MMP27: variants seen among roughly 807,000 people sequenced by gnomAD.
The protein encoded by MMP27 is matrix metallopeptidase 27, also known as matrix metalloproteinase-27.
MMP27 carries 51 observed loss-of-function variants against 48.1 expected under a neutral mutation model. That is an observed-to-expected ratio of 1.06 (90% CI 0.85 to 1.34). MMP27 has a LOEUF of 1.34. MMP27 is among the 40% of genes most tolerant of loss of function. The probability of loss-of-function intolerance (pLI) is 0.00; values close to 1 mark genes in which losing one functional copy is unlikely to be tolerated. For missense variants in MMP27, 698 were observed against 619.3 expected (o/e 1.13, Z -1.35); for synonymous variants, 229 against 208.9 (o/e 1.10, Z -0.83).
intron 8 of MMP27, 95 bp from the exon 9 acceptor site, chr11:102,693,136 G>T: frequency 1.2e-6 from 1 of 820,170 alleles, no homozygotes; most frequent in East Asian, 2.5e-5. Flanking sequence ...GGGATGTGGG[G>T]AATACATAGG....
At chr11:102,696,894 T>A in intron 4 of MMP27, 59 bp from the exon 5 acceptor site, 1 of 1,548,348 alleles carries the variant, frequency 6.5e-7, no homozygotes, top group Admixed American at 2.0e-5. Flanking sequence ...AATGGCTGCA[T>A]CTGAGATTAG....
intron 6 of MMP27, 107 bp from the exon 7 acceptor site, chr11:102,695,204 A>G (rs1248619959): frequency 1.7e-6 from 2 of 1,178,314 alleles, no homozygotes; most frequent in Non-Finnish European, 2.4e-6. Context: ...TCTTCCTCAA[A>G]TAATTGAGAT....
chr11:102,694,561 G>C (rs1048705234), intron 7 of MMP27, among the ~76,000 whole-genome samples: 1 of 151,942 alleles, frequency 6.6e-6, no homozygotes, highest in Non-Finnish European at 1.5e-5. Context: ...CTAACTTTTG[G>C]TATAAATAAA....
At chr11:102,697,218 G>T (rs1860848345) in intron 4 of MMP27, among the ~76,000 whole-genome samples, 1 of 152,128 alleles carries the variant, frequency 6.6e-6, no homozygotes, top group African/African-American at 2.4e-5. Flanking sequence ...TTAGCGCAAT[G>T]GTAAGCATTT....
intron 9 of MMP27, 125 bp from the exon 10 acceptor site, chr11:102,692,135 A>G (rs1227187645): frequency 1.1e-6 from 1 of 879,170 alleles, no homozygotes; most frequent in East Asian, 2.8e-5. Flanking sequence ...AATCACATAC[A>G]TACATTTTAG....
At chr11:102,696,099 G>T (rs2134265117) in intron 6 of MMP27, among the ~76,000 whole-genome samples, 1 of 152,224 alleles carries the variant, frequency 6.6e-6, no homozygotes, top group African/African-American at 2.4e-5. Context: ...TGGGATTGGT[G>T]GACTCTTCTG....
intron 2 of MMP27, among the ~76,000 whole-genome samples, chr11:102,703,580 TG>T (rs1288053451): frequency 1.6e-4 from 25 of 152,118 alleles, no homozygotes; most frequent in Admixed American, 1.6e-3. Context: ...TGGAGTGCAG[TG>T]GCGCGACCTC....
At chr11:102,704,487 A>G in intron 2 of MMP27, 50 bp downstream of exon 2, 1 of 1,366,872 alleles carries the variant, frequency 7.3e-7, no homozygotes, top group South Asian at 1.2e-5. Context: ...CTTGGAAATT[A>G]TCTTTATGTT....
At position 102,694,067 on chromosome 11, in the gene MMP27, T is replaced by C. The variant is rs142599331; in HGVS notation, c.1034-2A>G. 6.4e-6 allele frequency: 10 copies of C among 1,564,354 alleles called. No individual in the cohort carries two copies. The highest frequency in any genetic ancestry group is 8.6e-6 in the Non-Finnish European group (10 of 1,158,982). On this transcript the variant is annotated splice_acceptor_variant, in intron 7 of 9. Coordinates refer to ENST00000260229, the MANE Select transcript of MMP27 (RefSeq NM_022122.3). LOFTEE classifies it high-confidence loss of function. ...CTCTGATCATCCAGAAGTTTTCATC[T>C]AGGAAGAGAGGAGTGATTATTTATT... is the stretch of plus-strand genomic sequence containing the variant.
At position 102,691,721 on chromosome 11, in the gene MMP27, A is replaced by T. The variant is rs775239064; in HGVS notation, c.*45T>A. The T allele has an allele frequency of 6.9e-7, 1 of 1,456,056 alleles. No homozygotes were observed. The highest frequency in any genetic ancestry group is 1.4e-5 in the South Asian group (1 of 69,758). 90.2% of individuals were successfully genotyped at this position (1,456,056 alleles called of 1,614,324 possible). On this transcript the variant is annotated 3_prime_UTR_variant, in exon 10 of 10. Coordinates refer to ENST00000260229, the MANE Select transcript of MMP27 (RefSeq NM_022122.3). ...TGGTTTTATTCTATTTTGAAGCAGA[A>T]TTTATATTAAAAGACCTGTTGAGGT...
Position 102,696,787 on chromosome 11 carries a change from C to T in MMP27, c.668G>A (p.Gly223Glu). 3.1e-6 allele frequency: 5 copies of T among 1,613,310 alleles called. No homozygotes were observed. Among genetic ancestry groups the T allele is most frequent in the Non-Finnish European group, 4.2e-6 (5 of 1,179,836 alleles). ...VAAHEFGHALGLSHSNDQTAL... is the reference protein window; with the variant it reads ...VAAHEFGHALELSHSNDQTAL... Reference sequence around the variant, plus strand: ...TGTTTGATCATTGGAGTGAGAGAGCCCCAGTGCATGACCAAATTCATGAGC... The same window carrying T: ...TGTTTGATCATTGGAGTGAGAGAGCTCCAGTGCATGACCAAATTCATGAGC... The change falls in exon 5 of 10, where the codon GGG becomes GAG. Residue 223 changes from glycine (G) to glutamate (E), a missense_variant. Transcript: ENST00000260229.
intron 8 of MMP27, among the ~76,000 whole-genome samples, 172 bp downstream of exon 8, chr11:102,693,734 G>C (rs1381744361): frequency 6.6e-6 from 1 of 152,080 alleles, no homozygotes; most frequent in Non-Finnish European, 1.5e-5. Context: ...GCAGTGAGCA[G>C]AGATTGCAGC....
At chr11:102,705,456 C>A (rs1861029072) in intron 1 of MMP27, among the ~76,000 whole-genome samples, 157 bp downstream of exon 1, 1 of 152,152 alleles carries the variant, frequency 6.6e-6, no homozygotes, top group Non-Finnish European at 1.5e-5. Context: ...AACACAATTT[C>A]CTGATATCGT....
In MMP27 at chr11:102,704,596, A is replaced by C. The variant is rs758439435; in HGVS notation, c.282T>G (p.Pro94=). 6.2e-7 allele frequency: 1 copy of C among 1,614,180 alleles called. No homozygotes were observed. The highest frequency in any genetic ancestry group is 2.2e-5 in the East Asian group (1 of 44,878). ...EIMKTPRCGV[P]DVGQYGYTLP... ...GGGTGTAGCCATACTGGCCCACATC[A>C]GGCACCCCACACCTGGGTGTCTTCA... The change falls in exon 2 of 10, where the codon CCT becomes CCG. Residue 94 remains proline, a synonymous_variant. Coordinates refer to ENST00000260229, the MANE Select transcript of MMP27 (RefSeq NM_022122.3).
Position 102,700,962 on chromosome 11 carries a change from A to G in MMP27, c.619+1791T>C, listed in dbSNP as rs919648904. Among the ~76,000 whole-genome samples the G allele has an allele frequency of 1.1e-4, 16 of 152,346 alleles. No homozygotes were observed. The East Asian group carries it at 2.9e-3, about 28-fold the overall frequency. On this transcript the variant is annotated intron_variant, in intron 4 of 9. Transcript: ENST00000260229. ...CACCCTTCCATAAAACAGAGCCTCC[A>G]CATTGCAATGAAAGAGGTGATCATA... is the stretch of plus-strand genomic sequence containing the variant.
Position 102,704,624 on chromosome 11 carries a change from A to G in MMP27, c.254T>C (p.Ile85Thr), listed in dbSNP as rs79756836. The G allele has an allele frequency of 2.9e-4, 472 of 1,614,150 alleles. 5 individuals carry two copies. The African/African-American group carries it at 5.6e-3, about 19-fold the overall frequency. ...CACCCCACACCTGGGTGTCTTCATGATCTCAAGGGTGTTTGAGTCCAGTTT... is the reference window on the plus strand; with the variant it reads ...CACCCCACACCTGGGTGTCTTCATGGTCTCAAGGGTGTTTGAGTCCAGTTT... Reference protein sequence around the residue: ...TGKLDSNTLEIMKTPRCGVPD... With the variant: ...TGKLDSNTLETMKTPRCGVPD... The change falls in exon 2 of 10, where the codon ATC (isoleucine) becomes ACC (threonine). Residue 85 changes from isoleucine (I) to threonine (T), a missense_variant. Coordinates refer to ENST00000260229, the MANE Select transcript of MMP27 (RefSeq NM_022122.3).
At chr11:102,697,156 C>T (rs964539555) in intron 4 of MMP27, among the ~76,000 whole-genome samples, 11 of 152,250 alleles carry the variant, frequency 7.2e-5, no homozygotes, top group Middle Eastern at 3.4e-3. Context: ...CTGTATTGCA[C>T]GTTACTGTAC....
chr11:102,694,879 C>A (rs1860794430), intron 7 of MMP27, 88 bp downstream of exon 7: 7 of 1,498,900 alleles, frequency 4.7e-6, no homozygotes, highest in Non-Finnish European at 6.4e-6. Flanking sequence ...TTGGCTCATG[C>A]ATGAAGATTT....
At chr11:102,695,172 C>T (rs190171604) in intron 6 of MMP27, 75 bp from the exon 7 acceptor site, 34 of 1,519,658 alleles carry the variant, frequency 2.2e-5, no homozygotes, top group Non-Finnish European at 2.8e-5. Context: ...CTTAGGCTTG[C>T]CTTTTAGCTA....
Sources: allele counts gnomAD v4.1 joint callset (sites outside exome capture counted in the v4.1 genomes callset), GRCh38; gene constraint gnomAD v4.1.1; transcripts MANE v1.5; gene names NCBI Gene and HGNC (gene_info 2026-07-23, HGNC 2026-07-21).